The following SPHKAP variants were observed in gnomAD, a reference collection of about 807,000 sequenced individuals.
The protein encoded by SPHKAP is SPHK1 interactor, AKAP domain containing, also known as A-kinase anchor protein SPHKAP.
In SPHKAP, 67 loss-of-function variants were observed where a neutral mutation model predicts 137.5. That is an observed-to-expected ratio of 0.49 (90% confidence interval 0.40 to 0.60). The LOEUF is 0.60. Among genes scored for constraint, SPHKAP ranks in the 20% least tolerant of loss-of-function variants. The pLI is 0.00. For synonymous variants in SPHKAP, 813 were observed against 785.3 expected (o/e 1.04, Z -0.59); for missense variants, 2,097 against 2,069.3 (o/e 1.01, Z -0.26).
intron 2 of SPHKAP, among the ~76,000 whole-genome samples, chr2:228,130,427 A>G (rs1699212959): frequency 6.6e-6 from 1 of 152,200 alleles, no homozygotes; most frequent in Admixed American, 6.5e-5. Flanking sequence ...CTTCAATCTT[A>G]TAAAATACAT....
At chr2:228,175,443 C>T (rs1193808319) in intron 1 of SPHKAP, among the ~76,000 whole-genome samples, 1 of 152,006 alleles carries the variant, frequency 6.6e-6, no homozygotes, top group Non-Finnish European at 1.5e-5. Context: ...CTTGTAAAAA[C>T]CTCACACTGG....
chr2:228,016,814 C>T lies in SPHKAP; in HGVS notation c.4040G>A (p.Cys1347Tyr). The T allele has an allele frequency of 6.2e-7, 1 of 1,614,032 alleles. No individual in the cohort carries two copies. Among genetic ancestry groups the T allele is most frequent in the Non-Finnish European group, 8.5e-7 (1 of 1,179,978 alleles). The change falls in exon 7 of 12, where the codon TGT (cysteine) becomes TAT (tyrosine). Residue 1347 changes from cysteine (C) to tyrosine (Y), a missense_variant. Transcript: ENST00000392056. Reference sequence around the variant, plus strand: ...CCTGCTCGCAGCTAATCTATTTGCACACTTCTCTGCTTGCGAGGGAGAGCC... The same window carrying T: ...CCTGCTCGCAGCTAATCTATTTGCATACTTCTCTGCTTGCGAGGGAGAGCC... ...SGGSPSQAEK[C>Y]ANRLAASRMC...
At chr2:228,098,262 G>T (rs564879414) in intron 3 of SPHKAP, among the ~76,000 whole-genome samples, 30 of 151,746 alleles carry the variant, frequency 2.0e-4, no homozygotes, top group African/African-American at 6.0e-4. Context: ...TCATATATTT[G>T]TTGGCCACAT....
chr2:228,127,043 A>T (rs1699097925), intron 2 of SPHKAP, among the ~76,000 whole-genome samples: 1 of 152,214 alleles, frequency 6.6e-6, no homozygotes, highest in Non-Finnish European at 1.5e-5. Context: ...ATGAGGAAAA[A>T]GATGACACGA....
Position 228,017,116 on chromosome 2 carries a change from G to A in SPHKAP, c.3738C>T (p.Cys1246=), listed in dbSNP as rs1014093710. Residue 1246 remains cysteine (C), a synonymous_variant, in exon 7 of 12, where the codon TGC becomes TGT. Coordinates refer to ENST00000392056, the MANE Select transcript of SPHKAP (RefSeq NM_001142644.2). ...QSSMPDSRSP[C]SRLTVNVPIK... ...TGGGCACATTCACTGTCAGCCTGGA[G>A]CATGGGGATCTGCTGTCTGGCATGG... 6.2e-7 allele frequency: 1 copy of A among 1,613,992 alleles called. No individual in the cohort carries two copies. The highest frequency in any genetic ancestry group is 1.3e-5 in the African/African-American group (1 of 74,920).
rs759755044 is a variant in SPHKAP, at chr2:228,017,896, C to T, written c.2958G>A (p.Gln986=). The change falls in exon 7 of 12, where the codon CAG becomes CAA. Residue 986 remains glutamine (Q), a synonymous_variant. Coordinates refer to ENST00000392056, the MANE Select transcript of SPHKAP (RefSeq NM_001142644.2). ...GTTTCCTCACAGCGGTCCCGCTCCC[C>T]TGGCTCTCTTTCTTCCTCTTCAAGG... ...CRSLKRKKES[Q]GSGTAVRKHK... The T allele has an allele frequency of 1.2e-6, 2 of 1,614,136 alleles. No individual in the cohort carries two copies. The highest frequency in any genetic ancestry group is 1.7e-6 in the Non-Finnish European group (2 of 1,180,024).
At chr2:228,079,121 G>A (rs1442276553) in intron 3 of SPHKAP, among the ~76,000 whole-genome samples, 1 of 152,146 alleles carries the variant, frequency 6.6e-6, no homozygotes, top group Non-Finnish European at 1.5e-5. Flanking sequence ...TTAGGGGTGT[G>A]GTGGGAAATG....
At chr2:228,054,098 T>TCAGATGGGG (rs1696355202) in intron 3 of SPHKAP, among the ~76,000 whole-genome samples, 1 of 152,080 alleles carries the variant, frequency 6.6e-6, no homozygotes, top group Non-Finnish European at 1.5e-5. Flanking sequence ...GGAAAAAGAG[T>TCAGATGGGG]ACAAAGGAAA....
chr2:228,060,160 T>G (rs991540949), intron 3 of SPHKAP, among the ~76,000 whole-genome samples: 1 of 152,132 alleles, frequency 6.6e-6, no homozygotes, highest in Non-Finnish European at 1.5e-5. Flanking sequence ...TTAAATAGGA[T>G]AGAAGGGATA....
chr2:228,097,882 A>G (rs1698041627), intron 3 of SPHKAP, among the ~76,000 whole-genome samples: 1 of 152,206 alleles, frequency 6.6e-6, no homozygotes, highest in African/African-American at 2.4e-5. Flanking sequence ...CCAGTCCACC[A>G]TAGATGGGAA....
At chr2:228,059,041 C>T (rs889682551) in intron 3 of SPHKAP, among the ~76,000 whole-genome samples, 19 of 152,270 alleles carry the variant, frequency 1.2e-4, no homozygotes, top group Admixed American at 3.3e-4. Flanking sequence ...TGCGATTGTA[C>T]GGCATGTAAC....
At chr2:228,000,942 T>C (rs1331462985) in intron 7 of SPHKAP, among the ~76,000 whole-genome samples, 4 of 152,160 alleles carry the variant, frequency 2.6e-5, no homozygotes, top group Non-Finnish European at 4.4e-5. Context: ...AGAGTATCTT[T>C]AGTTTTGTAA....
intron 1 of SPHKAP, chr2:228,132,486 G>A (rs1338456718): frequency 2.8e-6 from 2 of 723,990 alleles, no homozygotes; most frequent in East Asian, 1.3e-4. Context: ...TTTTTAAAAT[G>A]GAGGTAAAAT....
intron 1 of SPHKAP, among the ~76,000 whole-genome samples, chr2:228,146,826 C>T (rs1699790657): frequency 6.6e-6 from 1 of 152,196 alleles, no homozygotes; most frequent in Admixed American, 6.5e-5. Context: ...TAGGTTCATT[C>T]CATGTCTTAG....
intron 1 of SPHKAP, among the ~76,000 whole-genome samples, chr2:228,180,733 G>C (rs1034119364): frequency 1.3e-5 from 2 of 152,168 alleles, no homozygotes; most frequent in East Asian, 3.9e-4. Flanking sequence ...GGGGGAGCAG[G>C]CCCAGCACCA....
intron 7 of SPHKAP, among the ~76,000 whole-genome samples, chr2:228,008,700 T>C (rs1694239463): frequency 6.6e-6 from 1 of 151,478 alleles, no homozygotes; most frequent in Non-Finnish European, 1.5e-5. Flanking sequence ...TTTTTTTGCA[T>C]GTAAATGTCC....
At chr2:228,164,999 A>G (rs1700383189) in intron 1 of SPHKAP, among the ~76,000 whole-genome samples, 1 of 152,186 alleles carries the variant, frequency 6.6e-6, no homozygotes, top group Non-Finnish European at 1.5e-5. Context: ...TGTGTTCATT[A>G]TTGCATTTCA....
chr2:228,047,373 C>T (rs1439974569), intron 3 of SPHKAP, among the ~76,000 whole-genome samples: 1 of 148,310 alleles, frequency 6.7e-6, no homozygotes, highest in South Asian at 2.1e-4. Context: ...GGCTGAGGCA[C>T]AAGAATCACT....
chr2:228,024,844 C>T (rs542682578), intron 5 of SPHKAP, among the ~76,000 whole-genome samples: 14 of 152,060 alleles, frequency 9.2e-5, no homozygotes, highest in South Asian at 4.2e-4. Context: ...CATGAGTGCA[C>T]GGAATGATAA....
Sources: gnomAD v4.1 joint callset for allele counts (sites outside exome capture counted in the v4.1 genomes callset) on GRCh38, gnomAD v4.1.1 for gene constraint, MANE v1.5 for transcripts, NCBI Gene and HGNC (gene_info 2026-07-23, HGNC 2026-07-21) for gene names.